The following CNST variants were observed in gnomAD, a reference collection of about 807,000 sequenced individuals.
The protein encoded by CNST is consortin, connexin sorting protein.
CNST carries 39 observed loss-of-function variants against 72.4 expected under a neutral mutation model. The ratio of observed to expected loss-of-function variants is 0.54; its 90% confidence interval spans 0.42 to 0.70. The LOEUF is 0.70. Among genes scored for constraint, CNST ranks in the 30% least tolerant of loss-of-function variants. The pLI, the probability that CNST is intolerant of heterozygous loss-of-function variation, is 0.00. For missense variants in CNST, 871 were observed against 868.5 expected, an observed-to-expected ratio of 1.00 and a Z score of -0.04; for synonymous variants, 332 against 320.1, an observed-to-expected ratio of 1.04 and a Z score of -0.40.
At chr1:246,593,545 T>C (rs1319995614) in intron 2 of CNST, among the ~76,000 whole-genome samples, 1 of 152,132 alleles carries the variant, frequency 6.6e-6, no homozygotes, top group Non-Finnish European at 1.5e-5. Flanking sequence ...GGTTTCACCA[T>C]GTTGGCCAGG....
intron 2 of CNST, among the ~76,000 whole-genome samples, chr1:246,616,768 T>C (rs1046264904): frequency 2.6e-5 from 4 of 151,988 alleles, no homozygotes; most frequent in Non-Finnish European, 4.4e-5. Flanking sequence ...TTGGCCAGGA[T>C]GGTCTCAATC....
At chr1:246,621,288 TATGA>T in intron 2 of CNST, 137 bp from the exon 3 acceptor site, 1 of 685,404 alleles carries the variant, frequency 1.5e-6, no homozygotes, top group Non-Finnish European at 2.6e-6. Context: ...AGTGGTTTCA[TATGA>T]TAAACACATT....
intron 2 of CNST, among the ~76,000 whole-genome samples, chr1:246,592,669 G>T (rs1268785160): frequency 6.6e-6 from 1 of 152,168 alleles, no homozygotes; most frequent in Non-Finnish European, 1.5e-5. Context: ...TGTGAGTTTA[G>T]ATGCTACTGT....
intron 2 of CNST, among the ~76,000 whole-genome samples, chr1:246,603,827 A>G (rs1207180723): frequency 1.3e-5 from 2 of 152,204 alleles, no homozygotes; most frequent in East Asian, 1.9e-4. Flanking sequence ...CTTTGGGGTA[A>G]TAAACGTTCC....
intron 5 of CNST, 29 bp downstream of exon 5, chr1:246,634,039 A>G (rs1454904050): frequency 2.2e-6 from 3 of 1,359,492 alleles, no homozygotes; most frequent in Non-Finnish European, 2.1e-6. Context: ...GGAATGTGGA[A>G]TTAGCAGTAA....
chr1:246,647,346 G>A lies in CNST; in HGVS notation c.1145G>A (p.Gly382Glu), dbSNP rs757814473. The A allele has an allele frequency of 6.2e-7, 1 of 1,614,154 alleles. No homozygotes were observed. Among genetic ancestry groups the A allele is most frequent in the South Asian group, 1.1e-5 (1 of 91,076 alleles). The change falls in exon 9 of 11, where the codon GGG (glycine) becomes GAG (glutamate). Residue 382 changes from glycine to glutamate, a missense_variant. Transcript: ENST00000366513. ...CACACCCAGTCCTCCGAGACAGCAG[G>A]GAGCCCGTCTGGGCCAGACTCTTCT... ...ALHTQSSETA[G>E]SPSGPDSSED...
chr1:246,646,841 T>C (rs1350995363), intron 8 of CNST, among the ~76,000 whole-genome samples: 1 of 152,244 alleles, frequency 6.6e-6, no homozygotes, highest in East Asian at 1.9e-4. Flanking sequence ...AATGTAAAAG[T>C]TTAATAAAGT....
chr1:246,621,918 C>A (rs1664119789), intron 3 of CNST, among the ~76,000 whole-genome samples: 1 of 152,154 alleles, frequency 6.6e-6, no homozygotes, highest in Non-Finnish European at 1.5e-5. Flanking sequence ...TCACTCAAGC[C>A]TGGGAGGCAA....
At chr1:246,591,993 C>T (rs1171336378) in intron 2 of CNST, 52 bp downstream of exon 2, 4 of 1,377,008 alleles carry the variant, frequency 2.9e-6, no homozygotes, top group Non-Finnish European at 3.9e-6. Flanking sequence ...AAAAATGAAC[C>T]TCCTTCCCTC....
chr1:246,662,184 G>C (rs1041363384), intron 10 of CNST, among the ~76,000 whole-genome samples: 3 of 152,156 alleles, frequency 2.0e-5, no homozygotes, highest in African/African-American at 7.2e-5. Context: ...AATGTTGATT[G>C]TGTTGGTTTG....
chr1:246,588,123 T>A (rs1035751735), intron 1 of CNST, among the ~76,000 whole-genome samples: 1 of 152,106 alleles, frequency 6.6e-6, no homozygotes, highest in Non-Finnish European at 1.5e-5. Flanking sequence ...AACTAAATCT[T>A]TATGAAATTA....
chr1:246,590,858 C>T (rs1475777462), intron 1 of CNST, among the ~76,000 whole-genome samples: 2 of 113,438 alleles, frequency 1.8e-5, no homozygotes, highest in African/African-American at 5.6e-5. Flanking sequence ...TTAACCATGG[C>T]CTTTTTTTTT....
At chr1:246,596,946 G>A (rs547267142) in intron 2 of CNST, among the ~76,000 whole-genome samples, 8 of 152,226 alleles carry the variant, frequency 5.3e-5, no homozygotes, top group African/African-American at 9.6e-5. Flanking sequence ...TGGATAGACC[G>A]TATTTCATTT....
At chr1:246,637,387 G>T (rs758574647) in intron 6 of CNST, among the ~76,000 whole-genome samples, 3 of 152,226 alleles carry the variant, frequency 2.0e-5, no homozygotes, top group Admixed American at 6.5e-5. Flanking sequence ...GCAGGGAGAG[G>T]CATGGCCTCA....
intron 1 of CNST, among the ~76,000 whole-genome samples, chr1:246,574,410 G>GT (rs1660260879): frequency 6.6e-6 from 1 of 152,084 alleles, no homozygotes; most frequent in Admixed American, 6.5e-5. Flanking sequence ...AAAAATTCGT[G>GT]TTTTTTCTTT....
At chr1:246,593,678 T>C (rs1003474850) in intron 2 of CNST, among the ~76,000 whole-genome samples, 4 of 152,136 alleles carry the variant, frequency 2.6e-5, no homozygotes, top group Non-Finnish European at 5.9e-5. Flanking sequence ...GCAGAGGATA[T>C]TTACAGTACT....
intron 9 of CNST, among the ~76,000 whole-genome samples, chr1:246,648,745 C>T (rs1418603729): frequency 6.6e-6 from 1 of 152,194 alleles, no homozygotes; most frequent in African/African-American, 2.4e-5. Flanking sequence ...CCTTTTACCT[C>T]TGTAAGCCTG....
intron 2 of CNST, among the ~76,000 whole-genome samples, chr1:246,598,066 C>T (rs1311830311): frequency 6.6e-6 from 1 of 152,064 alleles, no homozygotes; most frequent in Non-Finnish European, 1.5e-5. Flanking sequence ...AAAACATCCT[C>T]AAGTTCCCAG....
intron 1 of CNST, among the ~76,000 whole-genome samples, chr1:246,583,881 A>T (rs1307408528): frequency 1.3e-5 from 2 of 152,254 alleles, no homozygotes; most frequent in Non-Finnish European, 2.9e-5. Flanking sequence ...TTTTCAAGAT[A>T]AGAAAAAGTA....
Sources: allele counts gnomAD v4.1 joint callset (sites outside exome capture counted in the v4.1 genomes callset), GRCh38; gene constraint gnomAD v4.1.1; transcripts MANE v1.5; gene names NCBI Gene and HGNC (gene_info 2026-07-23, HGNC 2026-07-21).